Variants in WDFY4 observed in about 807,000 individuals in gnomAD.
WDFY4 encodes WDFY family member 4, also known as WD repeat- and FYVE domain-containing protein 4.
WDFY4 carries 169 observed loss-of-function variants against 351.9 expected under a neutral mutation model. The observed-to-expected ratio is 0.48, with a 90% CI of 0.42 to 0.55. The LOEUF is 0.55. WDFY4 is among the 20% of genes least tolerant of loss of function. WDFY4 has a pLI of 0.00. For synonymous variants in WDFY4, 1,622 were observed against 1,574.6 expected (o/e 1.03, Z -0.71); for missense variants, 3,803 against 3,935.6 (o/e 0.97, Z 0.90).
chr10:48,877,704 C>T (rs1274113416), intron 43 of WDFY4, among the ~76,000 whole-genome samples: 1 of 152,218 alleles, frequency 6.6e-6, no homozygotes, highest in African/African-American at 2.4e-5. Context: ...CTTGTGGCAC[C>T]ATTAGCCTTC....
At chr10:48,947,974 CTG>C (rs1048685838) in intron 51 of WDFY4, among the ~76,000 whole-genome samples, 12 of 152,178 alleles carry the variant, frequency 7.9e-5, no homozygotes, top group African/African-American at 2.9e-4. Flanking sequence ...ATCCCAAGAA[CTG>C]TGAGTTTGGG....
chr10:48,904,999 A>G (rs1837545898), intron 47 of WDFY4, among the ~76,000 whole-genome samples: 1 of 152,166 alleles, frequency 6.6e-6, no homozygotes, highest in African/African-American at 2.4e-5. Context: ...TGGGCTGCAG[A>G]TGGTTTTCTC....
At chr10:48,972,610 CAATT>C (rs1304196499) in intron 57 of WDFY4, among the ~76,000 whole-genome samples, 4 of 152,192 alleles carry the variant, frequency 2.6e-5, no homozygotes, top group African/African-American at 7.2e-5. Context: ...TAAAACTAGA[CAATT>C]AAGTTGTTTC....
chr10:48,893,985 A>G (rs17011385), intron 44 of WDFY4, among the ~76,000 whole-genome samples: 11,033 of 152,192 alleles, frequency 0.072, 1,347 homozygotes, highest in African/African-American at 0.25. Flanking sequence ...AGTACCCTTG[A>G]CTGCCTGAAA....
chr10:48,713,554 C>T (rs1406587747), intron 2 of WDFY4, among the ~76,000 whole-genome samples: 1 of 152,156 alleles, frequency 6.6e-6, no homozygotes, highest in Non-Finnish European at 1.5e-5. Flanking sequence ...CTAACCCAGT[C>T]AACATTTTGG....
In WDFY4 at chr10:48,777,492, A is replaced by G; in HGVS notation, c.3172A>G (p.Thr1058Ala). The G allele has an allele frequency of 6.4e-7, 1 of 1,551,688 alleles. No homozygotes were observed. Among genetic ancestry groups the G allele is most frequent in the Non-Finnish European group, 8.7e-7 (1 of 1,146,954 alleles). Residue 1058 changes from threonine (T) to alanine (A), a missense_variant, in exon 17 of 62, where the codon ACA becomes GCA. By Grantham distance (58) the Thr-to-Ala change is moderately conservative. Transcript: ENST00000325239. ...GTACTCTGTCTCTGGAGGAATTGGG[A>G]CAGGTAGGTGTTTTTCCCAGATGGT... ...TEYSVSGGIGTGATRPFPPPG... is the reference protein window; with the variant it reads ...TEYSVSGGIGAGATRPFPPPG...
rs749200628 is a variant in WDFY4 at position 48,832,692 on chromosome 10, C to T, written c.6646C>T (p.Pro2216Ser). 1.4e-4 allele frequency: 224 copies of T among 1,548,634 alleles called. No individual in the cohort carries two copies. The Middle Eastern group carries it at 1.7e-3, about 12-fold the overall frequency. Residue 2216 changes from proline to serine, a missense_variant, in exon 39 of 62, where the codon CCT becomes TCT. Coordinates refer to ENST00000325239, the MANE Select transcript of WDFY4 (RefSeq NM_001394531.1). ...GATGCCCGGGCGGCAGGCCAAGGAC[C>T]CTGAGTGCAAGACAGAGGTGAGCCC... is the stretch of plus-strand genomic sequence containing the variant. ...KLMPGRQAKD[P>S]ECKTEDFVSC...
intron 59 of WDFY4, 124 bp from the exon 60 acceptor site, chr10:48,978,185 A>G (rs1228376823): frequency 5.6e-6 from 5 of 899,612 alleles, no homozygotes; most frequent in Non-Finnish European, 8.3e-6. Flanking sequence ...TCAGAAGTGA[A>G]AGGGGGGCCA....
chr10:48,873,504 G>A lies in WDFY4; in HGVS notation c.6755G>A (p.Gly2252Asp). 2 of 1,549,306 alleles carry A rather than the reference G, an allele frequency of 1.3e-6. No homozygotes were observed. The highest frequency in any genetic ancestry group is 1.7e-6 in the Non-Finnish European group (2 of 1,145,954). ...TCTGCTCCCCAGAGGCGAAAATGTGGCAACATCAAGGCAGCCAACGCCTGG... is the reference window on the plus strand; with the variant it reads ...TCTGCTCCCCAGAGGCGAAAATGTGACAACATCAAGGCAGCCAACGCCTGG... ...YKDHVQRRKC[G>D]NIKAANAWAR... The change falls in exon 41 of 62, where the codon GGC (glycine) becomes GAC (aspartate). Residue 2252 changes from glycine (G) to aspartate (D), a missense_variant. Gly to Asp is a moderately conservative substitution (Grantham distance 94). Coordinates refer to ENST00000325239, the MANE Select transcript of WDFY4 (RefSeq NM_001394531.1).
At chr10:48,913,850 G>T (rs747681722) in intron 47 of WDFY4, 21 of 1,614,008 alleles carry the variant, frequency 1.3e-5, no homozygotes, top group Non-Finnish European at 1.6e-5. Flanking sequence ...TGTTGCTGAC[G>T]TTGAGGTAGA....
intron 1 of WDFY4, among the ~76,000 whole-genome samples, chr10:48,687,763 T>C (rs570245256): frequency 4.0e-5 from 6 of 150,270 alleles, no homozygotes; most frequent in Admixed American, 6.6e-5. Flanking sequence ...TACAGGTACA[T>C]GCCACCACAC....
chr10:48,822,401 G>A lies in WDFY4; in HGVS notation c.5846G>A (p.Ser1949Asn), dbSNP rs1387273019. The change falls in exon 35 of 62, where the codon AGT (serine) becomes AAT (asparagine). Residue 1949 changes from serine to asparagine, a missense_variant. By Grantham distance (46) the Ser-to-Asn change is conservative. This residue lies in a region of WDFY4 where 3,054 missense variants were observed against 3,148.6 expected (regional missense o/e 0.97). Coordinates refer to ENST00000325239, the MANE Select transcript of WDFY4 (RefSeq NM_001394531.1). The stretch of plus-strand genomic sequence containing the variant: ...ACAGACGGCAAAGAGCCTCAGCCAA[G>A]TGCAGAAGCTGCTGCTGCCCCTTCT... ...MFRDGKEPQPSAEAAAAPSLA... is the reference protein window; with the variant it reads ...MFRDGKEPQPNAEAAAAPSLA... The A allele has an allele frequency of 6.5e-7, 1 of 1,549,182 alleles. No individual in the cohort carries two copies. Among genetic ancestry groups the A allele is most frequent in the East Asian group, 2.4e-5 (1 of 40,866 alleles).
chr10:48,810,495 C>A, intron 28 of WDFY4, 35 bp from the exon 29 acceptor site: 1 of 1,536,598 alleles, frequency 6.5e-7, no homozygotes, highest in Non-Finnish European at 8.8e-7. Flanking sequence ...CGCTCATGGA[C>A]TGAGAGAACA....
Position 48,960,374 on chromosome 10 carries a change from A to G in WDFY4, c.8223+561A>G, listed in dbSNP as rs955705884. 3.3e-5 allele frequency among the ~76,000 whole-genome samples: 5 copies of G among 152,254 alleles called. No individual in the cohort carries two copies. The South Asian group carries it at 1.0e-3, about 31-fold the overall frequency. ...AACTACCATGAGATGAGATGCTATG[A>G]CATACCCACCGGAGTGGCTTAAATT... On this transcript the variant is annotated intron_variant, in intron 53 of 61. Coordinates refer to ENST00000325239, the MANE Select transcript of WDFY4 (RefSeq NM_001394531.1).
rs529045052 is a variant in WDFY4 at position 48,819,363 on chromosome 10, G to A, written c.5506-871G>A. 7.9e-5 allele frequency among the ~76,000 whole-genome samples: 12 copies of A among 152,302 alleles called. No individual in the cohort carries two copies. The South Asian group carries it at 1.0e-3, about 13-fold the overall frequency. Reference sequence around the variant, plus strand: ...CTTGGATTTGCTGTGAATTTATATGGCATCTTTCCAATCAAGGCCGCACGG... The same window carrying A: ...CTTGGATTTGCTGTGAATTTATATGACATCTTTCCAATCAAGGCCGCACGG... On this transcript the variant is annotated intron_variant, in intron 32 of 61. Transcript: ENST00000325239.
chr10:48,685,804 TTTAG>T (rs2063028485), intron 1 of WDFY4, among the ~76,000 whole-genome samples: 1 of 152,170 alleles, frequency 6.6e-6, no homozygotes, highest in South Asian at 2.1e-4. Context: ...TAGTCATTCA[TTTAG>T]TTATTTAACA....
intron 11 of WDFY4, among the ~76,000 whole-genome samples, chr10:48,738,145 C>G (rs936056303): frequency 2.0e-5 from 3 of 152,174 alleles, no homozygotes; most frequent in African/African-American, 7.2e-5. Flanking sequence ...AGTACCATAT[C>G]AAAAGCCAAA....
At chr10:48,894,260 A>T (rs964545046) in intron 44 of WDFY4, among the ~76,000 whole-genome samples, 1 of 152,192 alleles carries the variant, frequency 6.6e-6, no homozygotes, top group African/African-American at 2.4e-5. Context: ...TCCATATGTC[A>T]TCTGTGTTTC....
chr10:48,886,269 C>A (rs2070451456), intron 43 of WDFY4, among the ~76,000 whole-genome samples: 1 of 152,178 alleles, frequency 6.6e-6, no homozygotes, highest in Non-Finnish European at 1.5e-5. Context: ...TATAGATGTA[C>A]CACTGAGGCC....
Sources: gnomAD v4.1 joint callset for allele counts (sites outside exome capture counted in the v4.1 genomes callset) on GRCh38, gnomAD v4.1.1 for gene constraint, gnomAD v4.1.1 regional missense constraint, MANE v1.5 for transcripts, NCBI Gene and HGNC (gene_info 2026-07-23, HGNC 2026-07-21) for gene names.